The following PRKCA variants were observed in gnomAD, a reference collection of about 807,000 sequenced individuals.
PRKCA encodes protein kinase C alpha type.
PRKCA carries 27 observed loss-of-function variants against 87.0 expected under a neutral mutation model. The ratio of observed to expected loss-of-function variants is 0.31; its 90% CI spans 0.23 to 0.43. The LOEUF is 0.43. Among genes scored for constraint, PRKCA ranks in the 20% least tolerant of loss-of-function variants. PRKCA has a pLI of 1.00. For synonymous variants in PRKCA, 329 were observed against 311.1 expected (o/e 1.06, Z -0.61); for missense variants, 518 against 852.3 (o/e 0.61, Z 4.88).
intron 2 of PRKCA, among the ~76,000 whole-genome samples, chr17:66,466,098 T>G (rs1007000156): frequency 6.6e-6 from 1 of 152,240 alleles, no homozygotes; most frequent in Non-Finnish European, 1.5e-5. Flanking sequence ...AGCAGCTGTT[T>G]TGTTACATAG....
At chr17:66,436,908 A>G (rs1362753441) in intron 2 of PRKCA, among the ~76,000 whole-genome samples, 8 of 152,188 alleles carry the variant, frequency 5.3e-5, no homozygotes, top group East Asian at 3.9e-4. Flanking sequence ...TGAGGCTAAC[A>G]TAATGTACCA....
At chr17:66,456,853 C>T (rs1671702769) in intron 2 of PRKCA, among the ~76,000 whole-genome samples, 1 of 152,146 alleles carries the variant, frequency 6.6e-6, no homozygotes. Context: ...GAACAGCTTT[C>T]GATGCTGCAA....
At chr17:66,760,990 T>A (rs1974669868) in intron 13 of PRKCA, among the ~76,000 whole-genome samples, 1 of 152,228 alleles carries the variant, frequency 6.6e-6, no homozygotes, top group South Asian at 2.1e-4. Flanking sequence ...AAATAGATTT[T>A]AAAGCACTTT....
chr17:66,332,713 A>T (rs1320086289), intron 2 of PRKCA, among the ~76,000 whole-genome samples: 13 of 143,094 alleles, frequency 9.1e-5, no homozygotes, highest in African/African-American at 3.4e-4. Context: ...TTTTTTTGAG[A>T]TGGAGTCTCG....
At chr17:66,741,932 C>G (rs1232299882) in intron 12 of PRKCA, among the ~76,000 whole-genome samples, 1 of 152,124 alleles carries the variant, frequency 6.6e-6, no homozygotes, top group African/African-American at 2.4e-5. Flanking sequence ...TATCTTGTTT[C>G]TACTTTTTCC....
intron 3 of PRKCA, among the ~76,000 whole-genome samples, chr17:66,608,125 A>G (rs951798383): frequency 6.6e-6 from 1 of 151,772 alleles, no homozygotes; most frequent in Non-Finnish European, 1.5e-5. Flanking sequence ...CGACTGAAGC[A>G]CACCGATTGG....
intron 3 of PRKCA, among the ~76,000 whole-genome samples, chr17:66,515,966 G>T (rs1356104492): frequency 6.6e-6 from 1 of 152,090 alleles, no homozygotes; most frequent in Non-Finnish European, 1.5e-5. Context: ...TTTGTTAGGA[G>T]CATTTTGTTG....
chr17:66,459,719 G>A (rs985529525), intron 2 of PRKCA, among the ~76,000 whole-genome samples: 1 of 152,158 alleles, frequency 6.6e-6, no homozygotes, highest in African/African-American at 2.4e-5. Flanking sequence ...TTATAGACCC[G>A]ACTCCATCGG....
chr17:66,690,759 C>T (rs1016629287), intron 8 of PRKCA, among the ~76,000 whole-genome samples: 5 of 138,758 alleles, frequency 3.6e-5, no homozygotes, highest in South Asian at 2.3e-4. Context: ...ACCTGGGAGG[C>T]GGAAGTTGCA....
At chr17:66,754,306 A>T (rs896500949) in intron 13 of PRKCA, among the ~76,000 whole-genome samples, 1 of 152,020 alleles carries the variant, frequency 6.6e-6, no homozygotes, top group African/African-American at 2.4e-5. Context: ...AAGGCCCCAG[A>T]GGGCAGGGGC....
chr17:66,578,135 T>TAAAA (rs1491585607), intron 3 of PRKCA, among the ~76,000 whole-genome samples: 1 of 140,404 alleles, frequency 7.1e-6, no homozygotes, highest in Non-Finnish European at 1.5e-5. Context: ...AGACTGAATT[T>TAAAA]AAAACAAAAC....
At chr17:66,386,206 C>CT (rs1482758415) in intron 2 of PRKCA, among the ~76,000 whole-genome samples, 1 of 152,132 alleles carries the variant, frequency 6.6e-6, no homozygotes, top group African/African-American at 2.4e-5. Flanking sequence ...CTGAGACTTG[C>CT]TTTTTTCATT....
At chr17:66,667,525 C>T (rs941227556) in intron 5 of PRKCA, among the ~76,000 whole-genome samples, 3 of 152,136 alleles carry the variant, frequency 2.0e-5, no homozygotes, top group African/African-American at 7.2e-5. Context: ...ATCACAAGAA[C>T]AGCATGGAGG....
At chr17:66,716,513 T>G (rs1302098204) in intron 8 of PRKCA, among the ~76,000 whole-genome samples, 1 of 152,130 alleles carries the variant, frequency 6.6e-6, no homozygotes, top group East Asian at 1.9e-4. Flanking sequence ...TGGGGAATCC[T>G]CATGTAAGCC....
intron 2 of PRKCA, among the ~76,000 whole-genome samples, chr17:66,421,493 CT>C (rs1429870912): frequency 7.8e-6 from 1 of 128,422 alleles, no homozygotes; most frequent in Non-Finnish European, 1.6e-5. Context: ...AAAGATAGCT[CT>C]GAAATTTTCT....
chr17:66,609,654 C>G (rs926144221), intron 3 of PRKCA, among the ~76,000 whole-genome samples: 1 of 151,356 alleles, frequency 6.6e-6, no homozygotes, highest in Non-Finnish European at 1.5e-5. Flanking sequence ...CCCCGAGAGT[C>G]AACGTGAGGA....
At chr17:66,613,687 C>G (rs964462339) in intron 3 of PRKCA, among the ~76,000 whole-genome samples, 1 of 151,428 alleles carries the variant, frequency 6.6e-6, no homozygotes, top group Non-Finnish European at 1.5e-5. Context: ...GCCATCTCCT[C>G]TCTGTGTATC....
intron 3 of PRKCA, among the ~76,000 whole-genome samples, chr17:66,616,991 C>A (rs1970536341): frequency 6.6e-6 from 1 of 151,772 alleles, no homozygotes; most frequent in Admixed American, 6.6e-5. Flanking sequence ...GAACAGTTCA[C>A]ATTGTTAAAA....
chr17:66,384,862 C>T (rs1184546077), intron 2 of PRKCA, among the ~76,000 whole-genome samples: 3 of 152,060 alleles, frequency 2.0e-5, no homozygotes, highest in African/African-American at 7.2e-5. Context: ...AATCTCCTGA[C>T]CTCGTGATCC....
Sources: allele counts gnomAD v4.1 joint callset (sites outside exome capture counted in the v4.1 genomes callset), GRCh38; gene constraint gnomAD v4.1.1; transcripts MANE v1.5; gene names NCBI Gene and HGNC (gene_info 2026-07-23, HGNC 2026-07-21).